The following ABHD18 variants were observed in gnomAD, a reference collection of about 807,000 sequenced individuals.
ABHD18 encodes the protein cardiolipin-specific deacylase, mitochondrial.
ABHD18 carries 55 observed loss-of-function variants against 65.9 expected under a neutral mutation model. The ratio of observed to expected loss-of-function variants is 0.84; its 90% confidence interval spans 0.67 to 1.05. ABHD18 has a LOEUF of 1.05. ABHD18 is among the 50% of genes least tolerant of loss of function. The probability of loss-of-function intolerance (pLI) is 0.00; values close to 1 mark genes in which losing one functional copy is unlikely to be tolerated. For missense variants in ABHD18, 533 were observed against 558.5 expected (o/e 0.95, Z 0.46); for synonymous variants, 181 against 180.2 (o/e 1.00, Z -0.04).
At chr4:127,997,271 C>G (rs1185074984) in intron 4 of ABHD18, among the ~76,000 whole-genome samples, 1 of 152,186 alleles carries the variant, frequency 6.6e-6, no homozygotes, top group Non-Finnish European at 1.5e-5. Context: ...CCTGACTTCC[C>G]GTAACACACT....
rs919329281 is a variant in ABHD18, at chr4:128,016,428, T to C, written c.471-935T>C. Among the ~76,000 whole-genome samples, 5 of 152,232 alleles carry C rather than the reference T, an allele frequency of 3.3e-5. No individual in the cohort carries two copies. In the East Asian group the frequency reaches 9.6e-4, roughly 29 times the overall value. On this transcript the variant is annotated intron_variant, in intron 7 of 12. Transcript: ENST00000645843. The stretch of plus-strand genomic sequence containing the variant: ...AGCAACATATTTGAGATTTCAGTAA[T>C]ACATGAGCCTAGTGTTTGGTTAAAT...
At chr4:128,009,974 T>A (rs1190967547) in intron 6 of ABHD18, among the ~76,000 whole-genome samples, 1 of 152,218 alleles carries the variant, frequency 6.6e-6, no homozygotes, top group Non-Finnish European at 1.5e-5. Flanking sequence ...TTTTATGCAA[T>A]TGGTTGTATT....
chr4:128,009,169 TTTA>T lies in ABHD18; in HGVS notation c.423_425del (p.Leu143del), dbSNP rs773045588. Reference sequence around the variant, plus strand: ...TGATTAAAGAAGCCCGAATGGCTTCTTTATTGTTAGAAAACCCTTATTATATCC... The same window carrying T: ...TGATTAAAGAAGCCCGAATGGCTTCTTTGTTAGAAAACCCTTATTATATCC... On this transcript the variant is annotated inframe_deletion, in exon 6 of 13. Coordinates refer to ENST00000645843, the MANE Select transcript of ABHD18 (RefSeq NM_001358451.3). 62 of 1,516,860 alleles carry T rather than the reference TTTA, an allele frequency of 4.1e-5. 1 individual carries two copies. Among genetic ancestry groups the T allele is most frequent in the African/African-American group, 1.4e-5 (1 of 69,354 alleles). 94.0% of individuals were successfully genotyped at this position (1,516,860 alleles called of 1,614,324 possible).
At position 128,017,430 on chromosome 4, in the gene ABHD18, G is replaced by C. The variant is rs1433425600; in HGVS notation, c.538G>C (p.Ala180Pro). The C allele has an allele frequency of 6.2e-7, 1 of 1,613,592 alleles. No individual in the cohort carries two copies. The highest frequency in any genetic ancestry group is 8.5e-7 in the Non-Finnish European group (1 of 1,179,634). Residue 180 changes from alanine to proline, a missense_variant, in exon 8 of 13, where the codon GCT (alanine) becomes CCT (proline). Ala to Pro is a conservative substitution (Grantham distance 27, BLOSUM62 -1). Coordinates refer to ENST00000645843, the MANE Select transcript of ABHD18 (RefSeq NM_001358451.3). ...MGGALVLESA[A>P]LLHWLEREGY... ...AGGAGCTCTTGTTTTAGAATCTGCA[G>C]CTCTCTTGCACTGGCTAGAGAGGGA...
chr4:127,977,175 G>C (rs531811238), intron 1 of ABHD18, among the ~76,000 whole-genome samples: 1 of 150,718 alleles, frequency 6.6e-6, no homozygotes, highest in East Asian at 2.1e-4. Context: ...TCAGAAATCT[G>C]TTTAAAAAAA....
chr4:128,004,961 G>GCTCACAC (rs1753354231), intron 4 of ABHD18, among the ~76,000 whole-genome samples: 1 of 151,612 alleles, frequency 6.6e-6, no homozygotes, highest in Non-Finnish European at 1.5e-5. Context: ...AGGCGCAGTG[G>GCTCACAC]CTCACACCTG....
chr4:128,007,739 CAA>C (rs57540305), intron 4 of ABHD18, among the ~76,000 whole-genome samples: 46 of 114,024 alleles, frequency 4.0e-4, no homozygotes, highest in Admixed American at 7.2e-4. Context: ...ACCCTGTCTC[CAA>C]AAAAAAAAAA....
intron 12 of ABHD18, 38 bp from the exon 13 acceptor site, chr4:128,035,724 T>G (rs1758820109): frequency 7.8e-7 from 1 of 1,274,458 alleles, no homozygotes; most frequent in Admixed American, 2.3e-5. Flanking sequence ...CCCCTTTTTG[T>G]TAGTTACTTA....
chr4:127,989,813 T>A lies in ABHD18; in HGVS notation c.270T>A (p.Val90=). Residue 90 remains valine, a synonymous_variant, in exon 4 of 13, where the codon GTT becomes GTA. Transcript: ENST00000645843. The part of the protein sequence containing the change: ...YVPDIMPIES[V]IARFQFIVPK... ...CTGATATCATGCCAATTGAATCTGTTATTGCAAGGTAAGAATTTTTTTGTT... is the reference window on the plus strand; with the variant it reads ...CTGATATCATGCCAATTGAATCTGTAATTGCAAGGTAAGAATTTTTTTGTT... The A allele has an allele frequency of 6.4e-7, 1 of 1,560,936 alleles. No individual in the cohort carries two copies. The highest frequency in any genetic ancestry group is 8.7e-7 in the Non-Finnish European group (1 of 1,154,132).
chr4:127,993,288 C>G (rs1751231129), intron 4 of ABHD18, among the ~76,000 whole-genome samples: 1 of 152,172 alleles, frequency 6.6e-6, no homozygotes, highest in Non-Finnish European at 1.5e-5. Flanking sequence ...TGCTTTTACT[C>G]AGACTCAGAA....
intron 1 of ABHD18, among the ~76,000 whole-genome samples, chr4:127,982,112 A>G (rs1379227969): frequency 1.3e-5 from 2 of 152,234 alleles, no homozygotes; most frequent in African/African-American, 4.8e-5. Flanking sequence ...ATCTGAAGCA[A>G]TGGATAAGTA....
At chr4:127,974,156 C>A (rs1022376780) in intron 1 of ABHD18, among the ~76,000 whole-genome samples, 5 of 119,914 alleles carry the variant, frequency 4.2e-5, no homozygotes, top group Non-Finnish European at 7.2e-5. Context: ...ATGCAATGGT[C>A]TTTTTTGAAG....
rs1395359868 is a variant in ABHD18, at chr4:128,039,015, A to G, written c.*3202A>G. On this transcript the variant is annotated 3_prime_UTR_variant, in exon 13 of 13. Coordinates refer to ENST00000645843, the MANE Select transcript of ABHD18 (RefSeq NM_001358451.3). ...TCTATTCCCCCCAAAATGGTGGCTT[A>G]AGTGTTCTCAAATACATAAATATAC... 2 of 151,182 alleles carry G rather than the reference A, an allele frequency of 1.3e-5. No homozygotes were observed. Among genetic ancestry groups the G allele is most frequent in the Non-Finnish European group, 2.9e-5 (2 of 67,806 alleles). The allele number at this position is 151,182 out of a possible 1,614,324, so 9.4% of individuals were successfully genotyped here.
chr4:128,030,492 TA>T lies in ABHD18; in HGVS notation c.1181-13del, dbSNP rs1018261848. 5 of 1,470,704 alleles carry T rather than the reference TA, an allele frequency of 3.4e-6. No homozygotes were observed. In the African/African-American group the frequency reaches 5.8e-5, roughly 17 times the overall value. The allele number at this position is 1,470,704 out of a possible 1,614,324, so 91.1% of individuals were successfully genotyped here. A position where few individuals can be genotyped will look rare whatever the true frequency, so the allele number is the denominator to read the frequency against. ...TTCTAATGTGTATATGTTGAATTTT[TA>T]AAAATCCTATACCTAGTCCCAGTTG... is the stretch of plus-strand genomic sequence containing the variant. On this transcript the variant is annotated splice_polypyrimidine_tract_variant and intron_variant, in intron 11 of 12. Coordinates refer to ENST00000645843, the MANE Select transcript of ABHD18 (RefSeq NM_001358451.3).
At chr4:127,981,229 G>T (rs1748988240) in intron 1 of ABHD18, among the ~76,000 whole-genome samples, 1 of 152,132 alleles carries the variant, frequency 6.6e-6, no homozygotes, top group African/African-American at 2.4e-5. Context: ...TTCCACGTAT[G>T]ATATTTTTTT....
Position 128,037,851 on chromosome 4 carries a change from A to T in ABHD18, c.*2038A>T, listed in dbSNP as rs1759017399. Reference sequence around the variant, plus strand: ...CTATTAACTCTCTTAAATGGGGTTTATATGGCTCGATTTGGTGCTTTCTTT... The same window carrying T: ...CTATTAACTCTCTTAAATGGGGTTTTTATGGCTCGATTTGGTGCTTTCTTT... On this transcript the variant is annotated 3_prime_UTR_variant, in exon 13 of 13. Coordinates refer to ENST00000645843, the MANE Select transcript of ABHD18 (RefSeq NM_001358451.3). 6.6e-6 allele frequency: 1 copy of T among 152,058 alleles called. No individual in the cohort carries two copies. The highest frequency in any genetic ancestry group is 1.9e-4 in the East Asian group (1 of 5,170). 9.4% of individuals were successfully genotyped at this position (152,058 alleles called of 1,614,324 possible). A position where few individuals can be genotyped will look rare whatever the true frequency, so the allele number is the denominator to read the frequency against.
At chr4:128,000,180 G>A (rs1283185831) in intron 4 of ABHD18, among the ~76,000 whole-genome samples, 2 of 152,122 alleles carry the variant, frequency 1.3e-5, no homozygotes, top group East Asian at 3.8e-4. Flanking sequence ...ATTTGGGTGG[G>A]GACACAGCTA....
At chr4:127,979,841 A>C (rs151047243) in intron 1 of ABHD18, among the ~76,000 whole-genome samples, 124 of 145,058 alleles carry the variant, frequency 8.5e-4, no homozygotes, top group African/African-American at 3.0e-3. Flanking sequence ...ACTTGAGCCA[A>C]GGAGGTAGAG....
intron 4 of ABHD18, among the ~76,000 whole-genome samples, chr4:128,002,944 C>T (rs946176821): frequency 3.9e-5 from 6 of 152,048 alleles, no homozygotes; most frequent in Admixed American, 6.6e-5. Context: ...CCACCACACC[C>T]GGCCATATTA....
Sources: gnomAD v4.1 joint callset for allele counts (sites outside exome capture counted in the v4.1 genomes callset) on GRCh38, gnomAD v4.1.1 for gene constraint, MANE v1.5 for transcripts, NCBI Gene and HGNC (gene_info 2026-07-23, HGNC 2026-07-21) for gene names.